The following ANXA10 variants were observed in gnomAD, a reference collection of about 807,000 sequenced individuals.
The protein encoded by ANXA10 is annexin 14.
Under a neutral mutation model 53.5 loss-of-function variants are expected in ANXA10, and 49 were observed. That is an observed-to-expected ratio of 0.92 (90% CI 0.73 to 1.16). ANXA10 has a LOEUF of 1.16. Ranked by LOEUF, ANXA10 falls within the 50% of genes most tolerant of loss-of-function variation. The pLI is 0.00. For missense variants in ANXA10, 393 were observed against 394.4 expected (o/e 1.00, Z 0.03); for synonymous variants, 131 against 128.9 (o/e 1.02, Z -0.11).
chr4:168,104,109 G>C (rs931751141), intron 1 of ANXA10, among the ~76,000 whole-genome samples: 13 of 151,822 alleles, frequency 8.6e-5, no homozygotes, highest in Admixed American at 3.3e-4. Context: ...AACATGAATA[G>C]ATGCTATACT....
intron 1 of ANXA10, among the ~76,000 whole-genome samples, chr4:168,123,354 G>T: frequency 6.6e-6 from 1 of 152,122 alleles, no homozygotes; most frequent in East Asian, 1.9e-4. Context: ...GAATAGAACT[G>T]AGCTCAGTTC....
At chr4:168,140,902 G>A (rs1334685923) in intron 3 of ANXA10, among the ~76,000 whole-genome samples, 1 of 152,220 alleles carries the variant, frequency 6.6e-6, no homozygotes, top group African/African-American at 2.4e-5. Context: ...TTACAGGCGT[G>A]AGCCACTGTG....
chr4:168,171,398 T>A (rs1211625169), intron 6 of ANXA10, among the ~76,000 whole-genome samples: 4 of 152,172 alleles, frequency 2.6e-5, no homozygotes, highest in Non-Finnish European at 2.9e-5. Flanking sequence ...ACAAATATTC[T>A]CCAATTCTTT....
At chr4:168,100,665 C>T (rs146817014) in intron 1 of ANXA10, among the ~76,000 whole-genome samples, 1,538 of 152,120 alleles carry the variant, frequency 0.01, 9 homozygotes, top group Non-Finnish European at 0.016. Flanking sequence ...TCAAACTATA[C>T]GGTTTGAAGC....
chr4:168,178,236 G>A (rs1732171347), intron 8 of ANXA10: 1 of 448,442 alleles, frequency 2.2e-6, no homozygotes, highest in Admixed American at 3.8e-5. Context: ...TGTATTTGAT[G>A]GAGTACTTAT....
At chr4:168,155,594 A>C (rs1181636320) in intron 3 of ANXA10, among the ~76,000 whole-genome samples, 1 of 68,090 alleles carries the variant, frequency 1.5e-5, no homozygotes, top group South Asian at 4.4e-4. Flanking sequence ...AAATATATAT[A>C]ATTATATAAT....
At chr4:168,142,938 T>A (rs183819633) in intron 3 of ANXA10, among the ~76,000 whole-genome samples, 1 of 152,278 alleles carries the variant, frequency 6.6e-6, no homozygotes, top group Admixed American at 6.5e-5. Flanking sequence ...GGGATTGTAA[T>A]ATTTGCTGCT....
intron 3 of ANXA10, among the ~76,000 whole-genome samples, chr4:168,154,545 G>C (rs1006347023): frequency 2.6e-4 from 40 of 152,158 alleles, no homozygotes; most frequent in Admixed American, 7.2e-4. Flanking sequence ...GCCCATGGAA[G>C]AGATGATCAT....
At chr4:168,161,392 GT>G (rs1731780377) in intron 3 of ANXA10, among the ~76,000 whole-genome samples, 1 of 152,070 alleles carries the variant, frequency 6.6e-6, no homozygotes, top group Non-Finnish European at 1.5e-5. Flanking sequence ...TTATTTCTGA[GT>G]TTTCTATTCT....
At chr4:168,092,797 C>A in intron 1 of ANXA10, 79 bp downstream of exon 1, 2 of 1,321,464 alleles carry the variant, frequency 1.5e-6, no homozygotes, top group South Asian at 1.5e-5. Context: ...TGTTTTTTGA[C>A]GTTTTTAACA....
chr4:168,152,168 A>C (rs749545724), intron 3 of ANXA10, among the ~76,000 whole-genome samples: 3 of 152,224 alleles, frequency 2.0e-5, no homozygotes, highest in Non-Finnish European at 4.4e-5. Flanking sequence ...AAAAAGCAGA[A>C]GCCAGGTAAG....
rs149151672 is a variant in ANXA10 at position 168,184,605 on chromosome 4, G to A, written c.830G>A (p.Arg277Lys). ...NKTVIRILIA[R>K]SEIDLLTIRK... is the part of the protein sequence containing the mutation. ...ACTGTAATCAGGATTCTCATTGCCAGAAGTGAAATAGACCTGCTGACCATA... is the reference window on the plus strand; with the variant it reads ...ACTGTAATCAGGATTCTCATTGCCAAAAGTGAAATAGACCTGCTGACCATA... Residue 277 changes from arginine (R) to lysine (K), a missense_variant, in exon 11 of 12, where the codon AGA becomes AAA. Arg to Lys is a conservative substitution (Grantham distance 26). Coordinates refer to ENST00000359299, the MANE Select transcript of ANXA10 (RefSeq NM_007193.5). 20 of 1,613,894 alleles carry A rather than the reference G, an allele frequency of 1.2e-5. No individual in the cohort carries two copies. The African/African-American group carries it at 2.4e-4, about 19-fold the overall frequency.
chr4:168,150,603 A>G (rs1240507016), intron 3 of ANXA10, among the ~76,000 whole-genome samples: 2 of 152,216 alleles, frequency 1.3e-5, no homozygotes, highest in African/African-American at 2.4e-5. Flanking sequence ...CTGAATATAC[A>G]TATTCAATAA....
At chr4:168,116,565 C>A (rs937711440) in intron 1 of ANXA10, among the ~76,000 whole-genome samples, 2 of 152,028 alleles carry the variant, frequency 1.3e-5, no homozygotes, top group African/African-American at 2.4e-5. Context: ...AGATCTCCCC[C>A]ACCCCCCAAA....
In ANXA10 at chr4:168,142,989, A is replaced by AT. The variant is rs572819967; in HGVS notation, c.195+3412dup. ...AGCCCAGGTCTGGCATAGAAGAGGCATTTCATTTACAGAATCAGTGAATCT... is the reference window on the plus strand; with the variant it reads ...AGCCCAGGTCTGGCATAGAAGAGGCATTTTCATTTACAGAATCAGTGAATCT... On this transcript the variant is annotated intron_variant, in intron 3 of 11. Coordinates refer to ENST00000359299, the MANE Select transcript of ANXA10 (RefSeq NM_007193.5). 1.6e-3 allele frequency among the ~76,000 whole-genome samples: 249 copies of AT among 152,294 alleles called. 1 individual carries two copies. The highest frequency in any genetic ancestry group is 2.9e-3 in the Non-Finnish European group (197 of 68,034).
chr4:168,098,110 T>G (rs1420329711), intron 1 of ANXA10, among the ~76,000 whole-genome samples: 8 of 151,564 alleles, frequency 5.3e-5, no homozygotes, highest in African/African-American at 1.9e-4. Context: ...TCTAAGGCAC[T>G]CTTGAAATTT....
At chr4:168,152,436 T>G (rs1731513548) in intron 3 of ANXA10, among the ~76,000 whole-genome samples, 1 of 152,186 alleles carries the variant, frequency 6.6e-6, no homozygotes, top group African/African-American at 2.4e-5. Flanking sequence ...ACCAAGAAGA[T>G]ATTATGTATC....
intron 1 of ANXA10, among the ~76,000 whole-genome samples, chr4:168,096,926 A>ATATGTATG (rs1553995921): frequency 1.5e-5 from 2 of 129,898 alleles, no homozygotes; most frequent in Admixed American, 8.3e-5. Context: ...ATATATATAT[A>ATATGTATG]TATGTATGTA....
chr4:168,184,454 C>A, intron 10 of ANXA10, 105 bp from the exon 11 acceptor site: 2 of 1,371,532 alleles, frequency 1.5e-6, no homozygotes, highest in Non-Finnish European at 2.0e-6. Flanking sequence ...TGGAAGAACT[C>A]AGGAAGAAGA....
Sources: gnomAD v4.1 joint callset for allele counts (sites outside exome capture counted in the v4.1 genomes callset) on GRCh38, gnomAD v4.1.1 for gene constraint, MANE v1.5 for transcripts, NCBI Gene and HGNC (gene_info 2026-07-23, HGNC 2026-07-21) for gene names.